The following HYOU1 variants were observed in gnomAD, a reference collection of about 807,000 sequenced individuals.
HYOU1 encodes the protein hypoxia up-regulated protein 1.
In HYOU1, 40 loss-of-function variants were observed where a neutral mutation model predicts 120.5. The observed-to-expected ratio is 0.33, with a 90% CI of 0.26 to 0.43. HYOU1 has a LOEUF of 0.43. Among genes scored for constraint, HYOU1 ranks in the 20% least tolerant of loss-of-function variants. The pLI is 1.00. For synonymous variants in HYOU1, 501 were observed against 479.4 expected (o/e 1.05, Z -0.59); for missense variants, 1,085 against 1,278.3 (o/e 0.85, Z 2.31).
chr11:119,056,552 C>T, intron 1 of HYOU1: 1 of 370,836 alleles, frequency 2.7e-6, no homozygotes, highest in South Asian at 2.1e-5. Context: ...TCAACCACCT[C>T]CCCACACCTG....
chr11:119,046,902 C>T, intron 22 of HYOU1, 100 bp from the exon 23 acceptor site: 1 of 1,437,138 alleles, frequency 7.0e-7, no homozygotes, highest in South Asian at 1.3e-5. Context: ...TTCCCTCAGA[C>T]TGCAAATCAC....
rs1944506584 is a variant in HYOU1, at chr11:119,052,578, A to C, written c.987+59T>G. On this transcript the variant is annotated intron_variant, in intron 9 of 25. Coordinates refer to ENST00000617285, the MANE Select transcript of HYOU1 (RefSeq NM_006389.5). This position sits in a 1 kb window ranked among gnomAD's most constrained non-coding sequence, Gnocchi z 5.0. ...GGCACGAGCAGCCCAGTTCAGTGGC[A>C]GGGTCCCCCACCCTCTACGTGGGAC... 1 of 1,573,004 alleles carries C rather than the reference A, an allele frequency of 6.4e-7. No individual in the cohort carries two copies. The highest frequency in any genetic ancestry group is 8.7e-7 in the Non-Finnish European group (1 of 1,155,084).
In HYOU1 at chr11:119,048,224, G is replaced by A. The variant is rs2133561929; in HGVS notation, c.2376+24C>T. 17 of 1,608,886 alleles carry A rather than the reference G, an allele frequency of 1.1e-5. No homozygotes were observed. In the African/African-American group the frequency reaches 1.9e-4, roughly 18 times the overall value. ...AGGAAGGAGAGCTCCCACTCCACCT[G>A]CCATGTCCTGAGAGGCCCCTCACCA... On this transcript the variant is annotated intron_variant, in intron 20 of 25. Transcript: ENST00000617285. The surrounding 1 kb of genome is among the most constrained non-coding windows in gnomAD (Gnocchi z 4.7).
chr11:119,049,234 G>A lies in HYOU1; in HGVS notation c.1807-31C>T, dbSNP rs144997033. ...AAACACCACAGGCGCCCCAGGGAAC[G>A]ATCAGGAGCAGAGCCTCCAGGCAGG... is the stretch of plus-strand genomic sequence containing the variant. On this transcript the variant is annotated intron_variant, in intron 16 of 25. Coordinates refer to ENST00000617285, the MANE Select transcript of HYOU1 (RefSeq NM_006389.5). 1,051 of 1,588,550 alleles carry A rather than the reference G, an allele frequency of 6.6e-4. 7 individuals carry two copies. The African/African-American group carries it at 0.012, about 18-fold the overall frequency.
chr11:119,044,809 G>C lies in HYOU1; in HGVS notation c.*784C>G. On this transcript the variant is annotated 3_prime_UTR_variant, in exon 26 of 26. Coordinates refer to ENST00000617285, the MANE Select transcript of HYOU1 (RefSeq NM_006389.5). ...GAAGATGCAGATTATGACAGAGCTT[G>C]CACGATGCTGGCACCCCATGCCAAC... 1 of 248,542 alleles carries C rather than the reference G, an allele frequency of 4.0e-6. No individual in the cohort carries two copies. The highest frequency in any genetic ancestry group is 4.6e-5 in the South Asian group (1 of 21,678). 15.4% of individuals were successfully genotyped at this position (248,542 alleles called of 1,614,324 possible). A position where few individuals can be genotyped will look rare whatever the true frequency, so the allele number is the denominator to read the frequency against.
rs369505393 is a variant in HYOU1 at position 119,045,558 on chromosome 11, G to A, written c.*35C>T. 2 of 1,546,630 alleles carry A rather than the reference G, an allele frequency of 1.3e-6. No homozygotes were observed. The highest frequency in any genetic ancestry group is 2.7e-5 in the African/African-American group (2 of 73,772). On this transcript the variant is annotated 3_prime_UTR_variant, in exon 26 of 26. Coordinates refer to ENST00000617285, the MANE Select transcript of HYOU1 (RefSeq NM_006389.5). ...AAATAAATAGAAGTGGTGGGGGAAG[G>A]GGGTGGAGATGAATGGGGAAAACAG...
rs2133595424 is a variant in HYOU1 at position 119,052,752 on chromosome 11, C to A, written c.872G>T (p.Arg291Leu). ...ERLAGLFNEQ[R>L]KGQRAKDVRE... is the part of the protein sequence containing the mutation. ...CACATCCTTTGCTCTCTGACCCTTGCGCTGCTCATTGAAAAGCCCAGCCAG... is the reference window on the plus strand; with the variant it reads ...CACATCCTTTGCTCTCTGACCCTTGAGCTGCTCATTGAAAAGCCCAGCCAG... Residue 291 changes from arginine (R) to leucine (L), a missense_variant, in exon 9 of 26, where the codon CGC becomes CTC. Transcript: ENST00000617285. This position sits in a 1 kb window ranked among gnomAD's most constrained non-coding sequence, Gnocchi z 5.0. The A allele has an allele frequency of 6.8e-6, 11 of 1,614,210 alleles. No homozygotes were observed. Among genetic ancestry groups the A allele is most frequent in the South Asian group, 2.2e-5 (2 of 91,080 alleles).
At position 119,047,969 on chromosome 11, in the gene HYOU1, T is replaced by C; in HGVS notation, c.2488A>G (p.Asn830Asp). The change falls in exon 21 of 26, where the codon AAC (asparagine) becomes GAC (aspartate). Residue 830 changes from asparagine (N) to aspartate (D), a missense_variant. Around this residue, in one of 4 missense-constraint regions of HYOU1, gnomAD observed 516 missense variants for 517.1 expected, o/e 1.00. Coordinates refer to ENST00000617285, the MANE Select transcript of HYOU1 (RefSeq NM_006389.5). ...CACTTGAGGAACATGCTGGAATGGT[T>C]GAGGAGATTATCGAGGGCAGACAGC... ...ERLSALDNLLNHSSMFLKGAR... is the reference protein window; with the variant it reads ...ERLSALDNLLDHSSMFLKGAR... 1 of 1,614,122 alleles carries C rather than the reference T, an allele frequency of 6.2e-7. No individual in the cohort carries two copies. Among genetic ancestry groups the C allele is most frequent in the South Asian group, 1.1e-5 (1 of 91,076 alleles).
rs199894442 is a variant in HYOU1, at chr11:119,048,009, C to A, written c.2448G>T (p.Lys816Asn). Residue 816 changes from lysine (K) to asparagine (N), a missense_variant, in exon 21 of 26, where the codon AAG becomes AAT. Around this residue, in one of 4 missense-constraint regions of HYOU1, gnomAD observed 516 missense variants for 517.1 expected, o/e 1.00. Coordinates refer to ENST00000617285, the MANE Select transcript of HYOU1 (RefSeq NM_006389.5). The surrounding 1 kb of genome is among the most constrained non-coding windows in gnomAD (Gnocchi z 4.7). ...QGLFFRVEERKKWPERLSALD... is the reference protein window; with the variant it reads ...QGLFFRVEERNKWPERLSALD... The stretch of plus-strand genomic sequence containing the variant: ...GGGCAGACAGCCGTTCGGGCCACTT[C>A]TTGCGCTCCTCTACCCGAAAAAACA... The A allele has an allele frequency of 8.1e-6, 13 of 1,614,222 alleles. No homozygotes were observed. The East Asian group carries it at 2.5e-4, about 30-fold the overall frequency.
At chr11:119,053,071 C>T (rs1245989254) in intron 8 of HYOU1, 5 of 443,316 alleles carry the variant, frequency 1.1e-5, no homozygotes, top group Non-Finnish European at 1.6e-5. Flanking sequence ...TTATGTACTT[C>T]CCTCTGGGAA....
rs1419567865 is a variant in HYOU1, at chr11:119,048,388, T to C, written c.2254-18A>G. ...AGCTTGTCCTGGGGAGGGGGACATG[T>C]AAACACATGCACCCACAAGCCCAGA... On this transcript the variant is annotated intron_variant, in intron 19 of 25. Transcript: ENST00000617285. This position sits in a 1 kb window ranked among gnomAD's most constrained non-coding sequence, Gnocchi z 4.7. 6.2e-7 allele frequency: 1 copy of C among 1,610,004 alleles called. No homozygotes were observed. Among genetic ancestry groups the C allele is most frequent in the African/African-American group, 1.3e-5 (1 of 75,012 alleles).
In HYOU1 at chr11:119,049,037, C is replaced by T. The variant is rs2133569227; in HGVS notation, c.1973G>A (p.Gly658Glu). 6.2e-7 allele frequency: 1 copy of T among 1,614,180 alleles called. No individual in the cohort carries two copies. The highest frequency in any genetic ancestry group is 8.5e-7 in the Non-Finnish European group (1 of 1,180,014). The change falls in exon 17 of 26, where the codon GGG becomes GAG. Residue 658 changes from glycine (G) to glutamate (E), a missense_variant. This residue lies in a region of HYOU1 where 516 missense variants were observed against 517.1 expected (regional missense o/e 1.00). Coordinates refer to ENST00000617285, the MANE Select transcript of HYOU1 (RefSeq NM_006389.5). ...GCTCACCTGGGCCTCAGACTTGTCC[C>T]CATTTTCTTTTTCTGTGGCCTTTTC... is the stretch of plus-strand genomic sequence containing the variant. ...EGEKATEKEN[G>E]DKSEAQKPSE...
rs1944366712 is a variant in HYOU1 at position 119,050,576 on chromosome 11, C to A, written c.1665+459G>T. On this transcript the variant is annotated intron_variant, in intron 14 of 25. Transcript: ENST00000617285. ...ATAAATAAAGTACAAAAAAATTTCG[C>A]AGGATATGGTGGCACATACGTATCG... Among the ~76,000 whole-genome samples, 4 of 151,738 alleles carry A rather than the reference C, an allele frequency of 2.6e-5. No homozygotes were observed. The South Asian group carries it at 8.4e-4, about 32-fold the overall frequency.
Position 119,046,424 on chromosome 11 carries a change from TA to T in HYOU1, c.2879del (p.Val960GlufsTer15). On this transcript the variant is annotated frameshift_variant, in exon 24 of 26. Coordinates refer to ENST00000617285, the MANE Select transcript of HYOU1 (RefSeq NM_006389.5). LOFTEE classifies it high-confidence loss of function. The stretch of plus-strand genomic sequence containing the variant: ...ATGGTTGCTCCAACTCACCAGTCTC[TA>T]CTTTCTCAGGTTCTGAAATGGGCTC... ...DAEPISEPEK[V>X]ETGSEPGDTE... is the part of the protein sequence containing the mutation. 6.2e-7 allele frequency: 1 copy of T among 1,614,174 alleles called. No homozygotes were observed.
chr11:119,046,623 C>G lies in HYOU1; in HGVS notation c.2775G>C (p.Arg925=), dbSNP rs2133551625. The stretch of plus-strand genomic sequence containing the variant: ...CACTGGCATTGAGGGGTGGCTCTGC[C>G]CGGGTCCCATTCTTGTCCTTAGGCC... ...RPRPKDKNGT[R]AEPPLNASAS... is the part of the protein sequence containing the mutation. Residue 925 remains arginine (R), a synonymous_variant, in exon 23 of 26, where the codon CGG becomes CGC. Transcript: ENST00000617285. 2.5e-6 allele frequency: 4 copies of G among 1,614,196 alleles called. No homozygotes were observed. In the South Asian group the frequency reaches 4.4e-5, roughly 18 times the overall value.
At position 119,048,064 on chromosome 11, in the gene HYOU1, AGCTTC is replaced by A; in HGVS notation, c.2388_2392del (p.Glu796AspfsTer3). 6.2e-7 allele frequency: 1 copy of A among 1,614,220 alleles called. No individual in the cohort carries two copies. The highest frequency in any genetic ancestry group is 1.3e-5 in the African/African-American group (1 of 75,060). On this transcript the variant is annotated frameshift_variant, in exon 21 of 26. Coordinates refer to ENST00000617285, the MANE Select transcript of HYOU1 (RefSeq NM_006389.5). LOFTEE classifies it high-confidence loss of function. This position sits in a 1 kb window ranked among gnomAD's most constrained non-coding sequence, Gnocchi z 4.7. ...TTGGCACAGCTTCCTCAGCTCAGCCAGCTTCTCCTTCAACATCTGATGGATGTGCG... is the reference window on the plus strand; with the variant it reads ...TTGGCACAGCTTCCTCAGCTCAGCCATCCTTCAACATCTGATGGATGTGCG...
At position 119,048,906 on chromosome 11, in the gene HYOU1, G is replaced by A. The variant is rs1032250359; in HGVS notation, c.1993-20C>T. 1.2e-6 allele frequency: 2 copies of A among 1,604,732 alleles called. No homozygotes were observed. Among genetic ancestry groups the A allele is most frequent in the African/African-American group, 2.7e-5 (2 of 74,456 alleles). On this transcript the variant is annotated intron_variant, in intron 17 of 25. Coordinates refer to ENST00000617285, the MANE Select transcript of HYOU1 (RefSeq NM_006389.5). This position sits in a 1 kb window ranked among gnomAD's most constrained non-coding sequence, Gnocchi z 4.7. ...TGGTTTCTGGGTGGGAAGAGTCAGGGGTGTCAGGAAAAGCCTCTGCCCTCC... is the reference window on the plus strand; with the variant it reads ...TGGTTTCTGGGTGGGAAGAGTCAGGAGTGTCAGGAAAAGCCTCTGCCCTCC...
Position 119,052,094 on chromosome 11 carries a change from C to T in HYOU1, c.1201G>A (p.Gly401Ser). ...RVQEVLLKAVGKEELGKNINA... is the reference protein window; with the variant it reads ...RVQEVLLKAVSKEELGKNINA... ...CGCTCTAGCCCCCACACTCACTTGC[C>T]CACGGCCTTCAGCAGCACCTCCTGA... Residue 401 changes from glycine (G) to serine (S), a missense_variant, in exon 11 of 26, where the codon GGC (glycine) becomes AGC (serine). By Grantham distance (56) the Gly-to-Ser change is moderately conservative. This residue lies in a region of HYOU1 where 515 missense variants were observed against 677.8 expected (regional missense o/e 0.76). Transcript: ENST00000617285. This position sits in a 1 kb window ranked among gnomAD's most constrained non-coding sequence, Gnocchi z 5.0. 3.7e-6 allele frequency: 6 copies of T among 1,614,180 alleles called. No homozygotes were observed. Among genetic ancestry groups the T allele is most frequent in the African/African-American group, 2.7e-5 (2 of 75,062 alleles).
Position 119,048,274 on chromosome 11 carries a change from C to A in HYOU1, c.2350G>T (p.Asp784Tyr), listed in dbSNP as rs1944204509. 6.2e-7 allele frequency: 1 copy of A among 1,611,710 alleles called. No homozygotes were observed. The highest frequency in any genetic ancestry group is 8.5e-7 in the Non-Finnish European group (1 of 1,179,992). The change falls in exon 20 of 26, where the codon GAT (aspartate) becomes TAT (tyrosine). Residue 784 changes from aspartate to tyrosine, a missense_variant. By Grantham distance (160) the Asp-to-Tyr change is radical (BLOSUM62 -3). Transcript: ENST00000617285. The surrounding 1 kb of genome is among the most constrained non-coding windows in gnomAD (Gnocchi z 4.7). ...KLSAASTWLE[D>Y]EGVGATTVML... ...ACTGTGGTGGCTCCAACACCCTCAT[C>A]CTCCAGCCAGGTGGATGCGGCGCTG...
Sources: gnomAD v4.1 joint callset for allele counts (sites outside exome capture counted in the v4.1 genomes callset) on GRCh38, gnomAD v4.1.1 for gene constraint, gnomAD v4.1.1 regional missense constraint, Gnocchi (gnomAD v3.1) non-coding constraint, MANE v1.5 for transcripts, NCBI Gene and HGNC (gene_info 2026-07-23, HGNC 2026-07-21) for gene names.